ZNF568: variants seen among roughly 807,000 people sequenced by gnomAD.
ZNF568 encodes the protein p53 inhibitor of SCO2 activation.
In ZNF568, 11 loss-of-function variants were observed where a neutral mutation model predicts 18.1. The ratio of observed to expected loss-of-function variants is 0.61; its 90% CI spans 0.38 to 1.00. The LOEUF is 1.00. Ranked by LOEUF, ZNF568 falls within the 50% of genes least tolerant of loss-of-function variation. The pLI, the probability that ZNF568 is intolerant of heterozygous loss-of-function variation, is 0.01. For missense variants in ZNF568, 639 were observed against 768.2 expected (o/e 0.83, Z 1.99); for synonymous variants, 213 against 246.6 (o/e 0.86, Z 1.28).
chr19:36,930,188 A>C (rs1165861140), intron 4 of ZNF568, among the ~76,000 whole-genome samples: 38 of 150,108 alleles, frequency 2.5e-4, no homozygotes, highest in Non-Finnish European at 5.9e-5. Context: ...TTTGTTACTT[A>C]TGGCTTTTGT....
Position 36,922,965 on chromosome 19 carries a change from G to A in ZNF568, c.76+119G>A, listed in dbSNP as rs2073483367. 8.2e-6 allele frequency: 6 copies of A among 733,974 alleles called. No individual in the cohort carries two copies. The South Asian group carries it at 8.8e-5, about 11-fold the overall frequency. The allele number at this position is 733,974 out of a possible 1,614,324, so 45.5% of individuals were successfully genotyped here. A position where few individuals can be genotyped will look rare whatever the true frequency, so the allele number is the denominator to read the frequency against. On this transcript the variant is annotated intron_variant, in intron 3 of 6. Transcript: ENST00000333987. Reference sequence around the variant, plus strand: ...CACGTATGTTAATTGACTAGGCAGGGGAGACATTTGTTTTTAATCATATTC... The same window carrying A: ...CACGTATGTTAATTGACTAGGCAGGAGAGACATTTGTTTTTAATCATATTC...
chr19:36,927,677 A>T lies in ZNF568; in HGVS notation c.135+2419A>T, dbSNP rs1340234323. The stretch of plus-strand genomic sequence containing the variant: ...TTAGTTTTTCAAAAATTTTTCAGCT[A>T]CTTTGGGACCTCTGGGCTTCCATTT... On this transcript the variant is annotated intron_variant, in intron 4 of 6. Coordinates refer to ENST00000333987, the MANE Select transcript of ZNF568 (RefSeq NM_198539.4). Among the ~76,000 whole-genome samples, 4 of 150,966 alleles carry T rather than the reference A, an allele frequency of 2.6e-5. No individual in the cohort carries two copies. In the East Asian group the frequency reaches 7.8e-4, roughly 29 times the overall value.
exon 5 of ZNF568, chr19:36,996,713 G>A (rs2074475630): frequency 6.5e-7 from 1 of 1,536,524 alleles, no homozygotes; most frequent in Admixed American, 2.0e-5. Context: ...AAAAAACATA[G>A]TGAAAATAAC....
Position 36,925,507 on chromosome 19 carries a change from G to A in ZNF568, c.135+249G>A, listed in dbSNP as rs145984660. On this transcript the variant is annotated intron_variant, in intron 4 of 6. Coordinates refer to ENST00000333987, the MANE Select transcript of ZNF568 (RefSeq NM_198539.4). The stretch of plus-strand genomic sequence containing the variant: ...AGTCAAAGCAAACTGGGACACTTAA[G>A]TTTATTCCGTAAGTCCATAAGTTGC... Among the ~76,000 whole-genome samples the A allele has an allele frequency of 3.3e-5, 5 of 152,184 alleles. No individual in the cohort carries two copies. The East Asian group carries it at 9.7e-4, about 29-fold the overall frequency.
Position 36,985,202 on chromosome 19 carries a change from T to C in ZNF568, c.10-5974T>C, listed in dbSNP as rs181538289. Among the ~76,000 whole-genome samples the C allele has an allele frequency of 1.1e-4, 17 of 152,316 alleles. No individual in the cohort carries two copies. The East Asian group carries it at 3.3e-3, about 29-fold the overall frequency. ...TCTTCAGAGAGATTTATTCCAGCCATTGTATGATTTAAGTATGTTTTTTAT... is the reference window on the plus strand; with the variant it reads ...TCTTCAGAGAGATTTATTCCAGCCACTGTATGATTTAAGTATGTTTTTTAT... On this transcript the variant is annotated intron_variant, in intron 2 of 4. Coordinates refer to the ZNF568 transcript ENST00000433993.
At position 36,922,599 on chromosome 19, in the gene ZNF568, A is replaced by G. The variant is rs746310501; in HGVS notation, c.-172A>G. On this transcript the variant is annotated 5_prime_UTR_variant, in exon 3 of 7. Transcript: ENST00000333987. Reference sequence around the variant, plus strand: ...CCTAATCCACAGGTCCTGGTTCCACAAGGATAAAACACATCTGCAGTGCAA... The same window carrying G: ...CCTAATCCACAGGTCCTGGTTCCACGAGGATAAAACACATCTGCAGTGCAA... 2.6e-5 allele frequency: 12 copies of G among 466,334 alleles called. No individual in the cohort carries two copies. Among genetic ancestry groups the G allele is most frequent in the Non-Finnish European group, 4.2e-5 (11 of 261,672 alleles). The allele number at this position is 466,334 out of a possible 1,614,324, so 28.9% of individuals were successfully genotyped here. A position where few individuals can be genotyped will look rare whatever the true frequency, so the allele number is the denominator to read the frequency against.
At chr19:36,997,752 A>G (rs2074492734), downstream of ZNF568, 1 of 655,382 alleles carries the variant, frequency 1.5e-6, no homozygotes, top group Non-Finnish European at 2.6e-6. Flanking sequence ...TTTGATTGAC[A>G]TGAGAAAGTT....
Position 36,937,200 on chromosome 19 carries a change from C to A in ZNF568, c.316C>A (p.Pro106Thr). The A allele has an allele frequency of 6.2e-7, 1 of 1,613,970 alleles. No homozygotes were observed. Among genetic ancestry groups the A allele is most frequent in the Non-Finnish European group, 8.5e-7 (1 of 1,179,918 alleles). ...ATTCAAGTTGGAGCAAGAAGAGGAG[C>A]CCTGGGTGATGGAGGAAGAAATGTT... The part of the protein sequence containing the change: ...VIFKLEQEEE[P>T]WVMEEEMFGR... The change falls in exon 6 of 7, where the codon CCC becomes ACC. Residue 106 changes from proline to threonine, a missense_variant. Pro to Thr is a conservative substitution (Grantham distance 38). Transcript: ENST00000333987.
At chr19:36,944,267 G>A (rs536768702) in intron 6 of ZNF568, among the ~76,000 whole-genome samples, 2 of 151,888 alleles carry the variant, frequency 1.3e-5, no homozygotes, top group South Asian at 4.2e-4. Context: ...GCGTGGTGGT[G>A]CATGCCTGTA....
exon 4 of ZNF568, chr19:36,991,805 C>T (rs1280586792): frequency 6.3e-7 from 1 of 1,581,026 alleles, no homozygotes; most frequent in African/African-American, 1.3e-5. Context: ...AAGAAAGAGC[C>T]CTGGATGGTT....
At chr19:36,955,036 T>C (rs2074097245), downstream of ZNF568, among the ~76,000 whole-genome samples, 2 of 152,046 alleles carry the variant, frequency 1.3e-5, no homozygotes, top group African/African-American at 2.4e-5. Context: ...CCCGCCACCA[T>C]GCCCGGCTAA....
downstream of ZNF568, among the ~76,000 whole-genome samples, chr19:36,953,472 C>T (rs188825124): frequency 5.9e-5 from 9 of 152,260 alleles, no homozygotes; most frequent in East Asian, 1.7e-3. Context: ...AACTTAGACC[C>T]TGAGCACTAA....
chr19:36,990,982 T>C (rs2074418816), intron 2 of ZNF568: 1 of 532,770 alleles, frequency 1.9e-6, no homozygotes, highest in Non-Finnish European at 3.3e-6. Flanking sequence ...GGAGTAAGCA[T>C]GCCCAAGAAC....
At chr19:36,974,650 C>A (rs2146335298) in intron 7 of ZNF568, among the ~76,000 whole-genome samples, 1 of 152,244 alleles carries the variant, frequency 6.6e-6, no homozygotes, top group Admixed American at 6.5e-5. Context: ...AACATTGTCT[C>A]ATCTGATCTA....
chr19:36,968,090 A>C (rs2074207256), intron 6 of ZNF568, among the ~76,000 whole-genome samples: 1 of 152,236 alleles, frequency 6.6e-6, no homozygotes, highest in East Asian at 1.9e-4. Flanking sequence ...AACATGGATC[A>C]GTTATCCAAC....
At chr19:36,924,985 A>G (rs1170398464) in intron 3 of ZNF568, among the ~76,000 whole-genome samples, 2 of 152,196 alleles carry the variant, frequency 1.3e-5, no homozygotes, top group African/African-American at 2.4e-5. Flanking sequence ...TGGGCACTGC[A>G]TACTTAGCCC....
chr19:36,955,335 A>C (rs1568397028), downstream of ZNF568, among the ~76,000 whole-genome samples: 3 of 151,540 alleles, frequency 2.0e-5, no homozygotes, highest in African/African-American at 7.3e-5. Context: ...TAGAGTCAAC[A>C]GAGAAATGTA....
intron 4 of ZNF568, among the ~76,000 whole-genome samples, chr19:36,932,130 G>A (rs1282790329): frequency 6.6e-6 from 1 of 152,112 alleles, no homozygotes; most frequent in African/African-American, 2.4e-5. Context: ...ATTGATTAAT[G>A]GAAATTTGAT....
chr19:36,917,797 AG>A (rs1485565920), intron 2 of ZNF568, 149 bp downstream of exon 2: 1 of 152,116 alleles, frequency 6.6e-6, no homozygotes, highest in Non-Finnish European at 1.5e-5. Flanking sequence ...TTTCTCCCCT[AG>A]GTTGGTTTCT....
Sources: gnomAD v4.1 joint callset for allele counts (sites outside exome capture counted in the v4.1 genomes callset) on GRCh38, gnomAD v4.1.1 for gene constraint, MANE v1.5 for transcripts, NCBI Gene and HGNC (gene_info 2026-07-23, HGNC 2026-07-21) for gene names.